NRXN3: variants seen among roughly 807,000 people sequenced by gnomAD.
NRXN3 encodes the protein neurexin III.
NRXN3 carries 32 observed loss-of-function variants against 137.6 expected under a neutral mutation model. The ratio of observed to expected loss-of-function variants is 0.23; its 90% CI spans 0.18 to 0.31. The LOEUF (loss-of-function observed/expected upper bound fraction) is 0.31, where lower values mean the gene tolerates loss of function less well. Among genes scored for constraint, NRXN3 ranks in the 10% least tolerant of loss-of-function variants. The probability of loss-of-function intolerance (pLI) is 1.00; values close to 1 mark genes in which losing one functional copy is unlikely to be tolerated. For synonymous variants in NRXN3, 798 were observed against 784.5 expected (o/e 1.02, Z -0.29); for missense variants, 1,574 against 2,062.5 (o/e 0.76, Z 4.59).
chr14:79,372,336 G>A (rs1333481260), intron 15 of NRXN3, among the ~76,000 whole-genome samples: 2 of 152,092 alleles, frequency 1.3e-5, no homozygotes, highest in Admixed American at 6.6e-5. Flanking sequence ...TTTCCCTGTG[G>A]TAGCTTATCC....
At chr14:79,078,698 G>T (rs1439474097) in intron 15 of NRXN3, among the ~76,000 whole-genome samples, 1 of 152,100 alleles carries the variant, frequency 6.6e-6, no homozygotes, top group African/African-American at 2.4e-5. Flanking sequence ...ACCCCCTTGG[G>T]TATAATTTTA....
chr14:78,467,431 A>G (rs1003364), intron 4 of NRXN3, among the ~76,000 whole-genome samples: 148,524 of 152,298 alleles, frequency 0.98, 72,513 homozygotes, highest in Non-Finnish European at 1. Flanking sequence ...AATTTAATAG[A>G]CCCATTTGTA....
chr14:79,624,143 C>T (rs2098255873), intron 16 of NRXN3, among the ~76,000 whole-genome samples: 1 of 152,154 alleles, frequency 6.6e-6, no homozygotes, highest in African/African-American at 2.4e-5. Flanking sequence ...AGATGTTACA[C>T]TTCCCACATG....
At chr14:78,605,240 T>A (rs1051013743) in intron 4 of NRXN3, among the ~76,000 whole-genome samples, 22 of 152,174 alleles carry the variant, frequency 1.4e-4, no homozygotes, top group African/African-American at 5.3e-4. Context: ...ACCTTTGATG[T>A]CACAGTTTTC....
intron 19 of NRXN3, among the ~76,000 whole-genome samples, chr14:79,780,917 CA>C (rs150097915): frequency 2.2e-4 from 33 of 152,162 alleles, no homozygotes; most frequent in African/African-American, 7.9e-4. Flanking sequence ...TATCATCTAC[CA>C]TTTCAAAAAA....
At position 78,590,700 on chromosome 14, in the gene NRXN3, G is replaced by A. The variant is rs1207598079; in HGVS notation, c.758-54420G>A. 2.0e-5 allele frequency among the ~76,000 whole-genome samples: 3 copies of A among 152,170 alleles called. No homozygotes were observed. In the East Asian group the frequency reaches 5.8e-4, roughly 29 times the overall value. On this transcript the variant is annotated intron_variant, in intron 4 of 20. Transcript: ENST00000335750. Reference sequence around the variant, plus strand: ...AGGCTGAGGTGGGCAGATCACTTGAGATCAGGAGTTCAAGACCATCCTGGC... The same window carrying A: ...AGGCTGAGGTGGGCAGATCACTTGAAATCAGGAGTTCAAGACCATCCTGGC...
chr14:79,389,777 A>G (rs914569662), intron 15 of NRXN3, among the ~76,000 whole-genome samples: 25 of 152,168 alleles, frequency 1.6e-4, no homozygotes, highest in Non-Finnish European at 4.4e-5. Context: ...ATGCTGAATT[A>G]ATGAAAGGTC....
intron 16 of NRXN3, among the ~76,000 whole-genome samples, chr14:79,658,598 T>G (rs972320537): frequency 6.6e-6 from 1 of 152,136 alleles, no homozygotes; most frequent in African/African-American, 2.4e-5. Context: ...CCAAAAGTCC[T>G]CTCTTACTAC....
At chr14:78,607,345 A>T (rs1441402055) in intron 4 of NRXN3, among the ~76,000 whole-genome samples, 7 of 152,118 alleles carry the variant, frequency 4.6e-5, no homozygotes. Flanking sequence ...GCCCCCTTTG[A>T]GCTGGCTCCT....
At chr14:79,135,305 C>A (rs910911093) in intron 15 of NRXN3, among the ~76,000 whole-genome samples, 5 of 152,266 alleles carry the variant, frequency 3.3e-5, no homozygotes, top group Non-Finnish European at 5.9e-5. Context: ...GTCATAGAAC[C>A]TCTCCCTTTC....
chr14:78,757,125 G>A (rs1194114158), intron 8 of NRXN3, among the ~76,000 whole-genome samples: 1 of 152,128 alleles, frequency 6.6e-6, no homozygotes, highest in African/African-American at 2.4e-5. Flanking sequence ...ATAGGATTCT[G>A]GGTGGAGCAC....
At chr14:78,984,964 A>G (rs2099499415) in intron 14 of NRXN3, among the ~76,000 whole-genome samples, 1 of 152,190 alleles carries the variant, frequency 6.6e-6, no homozygotes. Context: ...TAGTGACAAT[A>G]CTGTTGTTCT....
At chr14:79,601,466 T>G (rs994647377) in intron 16 of NRXN3, among the ~76,000 whole-genome samples, 3 of 152,164 alleles carry the variant, frequency 2.0e-5, no homozygotes, top group African/African-American at 7.2e-5. Context: ...TCCTTGTCAT[T>G]TTGAGCAAAT....
At chr14:79,039,565 A>G (rs188201417) in intron 15 of NRXN3, among the ~76,000 whole-genome samples, 1 of 152,230 alleles carries the variant, frequency 6.6e-6, no homozygotes, top group Non-Finnish European at 1.5e-5. Context: ...GTTATGTTTG[A>G]GAGATAAAAA....
At chr14:78,277,942 T>C (rs961211521) in intron 2 of NRXN3, among the ~76,000 whole-genome samples, 3 of 152,108 alleles carry the variant, frequency 2.0e-5, no homozygotes, top group Non-Finnish European at 2.9e-5. Context: ...AGTGTTAGGG[T>C]GAAAAGCAAG....
intron 15 of NRXN3, among the ~76,000 whole-genome samples, chr14:79,256,906 C>T (rs1317221557): frequency 1.3e-5 from 2 of 152,022 alleles, no homozygotes; most frequent in Non-Finnish European, 2.9e-5. Context: ...TGCATGCATA[C>T]ATGTGTGTGA....
chr14:79,081,311 G>A (rs908266665), intron 15 of NRXN3, among the ~76,000 whole-genome samples: 2 of 152,154 alleles, frequency 1.3e-5, no homozygotes, highest in Non-Finnish European at 2.9e-5. Context: ...TGAAAACAGA[G>A]TGAGAAAAGA....
Position 79,862,449 on chromosome 14 carries a change from A to G in NRXN3, c.*485A>G, listed in dbSNP as rs1568490632. 6.6e-6 allele frequency: 1 copy of G among 152,530 alleles called. No homozygotes were observed. The highest frequency in any genetic ancestry group is 6.6e-5 in the Admixed American group (1 of 15,248). 9.4% of individuals were successfully genotyped at this position (152,530 alleles called of 1,614,324 possible). ...AAACTACAACAACAAAAAAAGAAAA[A>G]AGTTAAAAAAGAAAAAAACACCAAA... On this transcript the variant is annotated 3_prime_UTR_variant, in exon 21 of 21. Transcript: ENST00000335750.
At chr14:78,223,925 C>A (rs1290158897) in intron 1 of NRXN3, among the ~76,000 whole-genome samples, 1 of 152,126 alleles carries the variant, frequency 6.6e-6, no homozygotes, top group Non-Finnish European at 1.5e-5. Context: ...GCTGCCCAGG[C>A]GTATTGAGAA....
Sources: allele counts gnomAD v4.1 joint callset (sites outside exome capture counted in the v4.1 genomes callset), GRCh38; gene constraint gnomAD v4.1.1; transcripts MANE v1.5; gene names NCBI Gene and HGNC (gene_info 2026-07-23, HGNC 2026-07-21).